The following HECW1 variants were observed in gnomAD, a reference collection of about 807,000 sequenced individuals.
HECW1 encodes HECT, C2 and WW domain containing E3 ubiquitin protein ligase 1, also known as E3 ubiquitin-protein ligase HECW1.
A neutral mutation model predicts 182.3 loss-of-function variants in HECW1; 61 were observed. The observed-to-expected ratio is 0.33, with a 90% CI of 0.27 to 0.41. The LOEUF is 0.41. HECW1 is among the 10% of genes least tolerant of loss of function. HECW1 has a pLI of 1.00. For missense variants in HECW1, 1,739 were observed against 2,108.9 expected (o/e 0.82, Z 3.44); for synonymous variants, 859 against 832.6 (o/e 1.03, Z -0.55).
chr7:43,445,032 C>T lies in HECW1; in HGVS notation c.1860C>T (p.Pro620=), dbSNP rs371190628. The part of the protein sequence containing the change: ...PSALEEDREE[P]EGATPGTAHP... ...CCCTGGAAGAGGACAGAGAAGAGCC[C>T]GAGGGGGCTACTCCAGGCACGGCGC... Residue 620 remains proline (P), a synonymous_variant, in exon 11 of 30, where the codon CCC becomes CCT. Transcript: ENST00000395891. The T allele has an allele frequency of 5.7e-6, 9 of 1,565,934 alleles. No homozygotes were observed. Among genetic ancestry groups the T allele is most frequent in the African/African-American group, 1.4e-5 (1 of 73,894 alleles).
chr7:43,181,157 T>C (rs1230473990), intron 2 of HECW1, among the ~76,000 whole-genome samples: 2 of 150,924 alleles, frequency 1.3e-5, no homozygotes, highest in African/African-American at 5.0e-5. Flanking sequence ...GGTTCATCCA[T>C]GTTGTGGCAA....
chr7:43,146,950 A>G (rs946553897), intron 2 of HECW1, among the ~76,000 whole-genome samples: 4 of 152,204 alleles, frequency 2.6e-5, no homozygotes, highest in Non-Finnish European at 5.9e-5. Flanking sequence ...GTTATTTGCC[A>G]CTTTGGGGGT....
rs577597592 is a variant in HECW1, at chr7:43,368,936, T to C, written c.555+7956T>C. 2.6e-5 allele frequency among the ~76,000 whole-genome samples: 4 copies of C among 152,234 alleles called. No homozygotes were observed. In the South Asian group the frequency reaches 8.3e-4, roughly 32 times the overall value. On this transcript the variant is annotated intron_variant, in intron 6 of 29. Transcript: ENST00000395891. Reference sequence around the variant, plus strand: ...GACATTAGAAAAAATTTATGGAAAGTGGAAATGGAAATCCTAATGGAAAGT... The same window carrying C: ...GACATTAGAAAAAATTTATGGAAAGCGGAAATGGAAATCCTAATGGAAAGT...
At chr7:43,280,902 G>A (rs1363897740) in intron 3 of HECW1, among the ~76,000 whole-genome samples, 3 of 152,178 alleles carry the variant, frequency 2.0e-5, no homozygotes, top group Non-Finnish European at 2.9e-5. Context: ...GAAGTCTCCA[G>A]TTAGAGGAAG....
intron 3 of HECW1, among the ~76,000 whole-genome samples, chr7:43,308,139 A>G (rs1447912123): frequency 3.8e-5 from 4 of 104,686 alleles, no homozygotes; most frequent in Non-Finnish European, 6.9e-5. Context: ...TATATAATAT[A>G]TTATATTATA....
intron 8 of HECW1, among the ~76,000 whole-genome samples, chr7:43,419,945 G>A (rs1040708140): frequency 4.6e-5 from 7 of 152,164 alleles, no homozygotes; most frequent in Admixed American, 1.3e-4. Flanking sequence ...TATTTGTCCC[G>A]ATTGGCTAGC....
chr7:43,547,975 G>A (rs891770968), intron 26 of HECW1, among the ~76,000 whole-genome samples: 4 of 152,200 alleles, frequency 2.6e-5, no homozygotes, highest in South Asian at 2.1e-4. Context: ...TGCGTTCATC[G>A]CAAAAAACAG....
intron 5 of HECW1, among the ~76,000 whole-genome samples, chr7:43,342,081 G>T (rs553699298): frequency 1.3e-5 from 2 of 151,906 alleles, no homozygotes; most frequent in African/African-American, 4.9e-5. Flanking sequence ...TATAAAAGAT[G>T]ACTGTTTCAT....
intron 24 of HECW1, 71 bp from the exon 25 acceptor site, chr7:43,541,092 A>G (rs774466028): frequency 8.1e-7 from 1 of 1,232,636 alleles, no homozygotes; most frequent in Non-Finnish European, 1.2e-6. Flanking sequence ...ACATCAAATA[A>G]AAGTGCAAAC....
intron 24 of HECW1, among the ~76,000 whole-genome samples, chr7:43,517,381 A>G (rs144184288): frequency 0.012 from 1,760 of 144,972 alleles, 33 homozygotes; most frequent in African/African-American, 0.042. Flanking sequence ...CTTCCCAAGC[A>G]GATACTACCT....
Position 43,565,720 on chromosome 7 carries a change from CAT to C in HECW1, c.*3795_*3796del, listed in dbSNP as rs1370535848. ...GAAAGTGTTATTTTCCTGTTAGTGA[CAT>C]GTAGTCCCTTTGTTCTAGTAGGAAA... On this transcript the variant is annotated 3_prime_UTR_variant, in exon 30 of 30. Transcript: ENST00000395891. The C allele has an allele frequency of 5.4e-6, 1 of 185,268 alleles. No homozygotes were observed. The highest frequency in any genetic ancestry group is 8.7e-5 in the East Asian group (1 of 11,554). The allele number at this position is 185,268 out of a possible 1,614,324, so 11.5% of individuals were successfully genotyped here.
At chr7:43,372,780 A>G (rs1198466146) in intron 6 of HECW1, among the ~76,000 whole-genome samples, 1 of 151,964 alleles carries the variant, frequency 6.6e-6, no homozygotes, top group East Asian at 1.9e-4. Flanking sequence ...TCAAACTTGT[A>G]GTGTCACAAT....
In HECW1 at chr7:43,371,876, A is replaced by G. The variant is rs111887773; in HGVS notation, c.555+10896A>G. 6.9e-3 allele frequency among the ~76,000 whole-genome samples: 1,055 copies of G among 152,236 alleles called. 12 individuals are homozygous for G. Among genetic ancestry groups the G allele is most frequent in the African/African-American group, 0.024 (1,003 of 41,536 alleles). On this transcript the variant is annotated intron_variant, in intron 6 of 29. Transcript: ENST00000395891. ...TTCTTGTTGCCCAGGCTAGAGTGCAATGGCACGGTCTCGGCTCACTGCAAC... is the reference window on the plus strand; with the variant it reads ...TTCTTGTTGCCCAGGCTAGAGTGCAGTGGCACGGTCTCGGCTCACTGCAAC...
At chr7:43,229,190 G>A (rs944335613) in intron 2 of HECW1, among the ~76,000 whole-genome samples, 2 of 152,174 alleles carry the variant, frequency 1.3e-5, no homozygotes, top group Non-Finnish European at 2.9e-5. Context: ...CTATGTTGAA[G>A]TCTTTGCAAT....
Position 43,329,410 on chromosome 7 carries a change from T to G in HECW1, c.460+8668T>G, listed in dbSNP as rs1261466394. On this transcript the variant is annotated intron_variant, in intron 5 of 29. Transcript: ENST00000395891. ...CGAGAAGACTGTAAGGTGCTGATAT[T>G]AGAGGCTTGAGACCACCAAGAAACT... 4.0e-5 allele frequency among the ~76,000 whole-genome samples: 6 copies of G among 151,508 alleles called. No homozygotes were observed. The East Asian group carries it at 9.7e-4, about 24-fold the overall frequency.
intron 5 of HECW1, among the ~76,000 whole-genome samples, chr7:43,354,670 A>G (rs539395983): frequency 6.6e-6 from 1 of 152,304 alleles, no homozygotes; most frequent in African/African-American, 2.4e-5. Flanking sequence ...ATAGAAAATT[A>G]CCTCAGAAGA....
intron 8 of HECW1, among the ~76,000 whole-genome samples, chr7:43,435,902 C>T (rs555173862): frequency 1.3e-5 from 2 of 152,252 alleles, no homozygotes; most frequent in East Asian, 1.9e-4. Context: ...TGGTGGCTCA[C>T]GCCTGTAATC....
At chr7:43,470,647 G>A (rs1048052274) in intron 16 of HECW1, among the ~76,000 whole-genome samples, 3 of 152,206 alleles carry the variant, frequency 2.0e-5, no homozygotes, top group Non-Finnish European at 2.9e-5. Context: ...TCTTTAGCAA[G>A]AAGATATCAT....
chr7:43,238,450 T>C (rs1584117279), intron 2 of HECW1, among the ~76,000 whole-genome samples: 1 of 152,184 alleles, frequency 6.6e-6, no homozygotes. Context: ...GGTGGTCATA[T>C]TTATGTTGCC....
Sources: allele counts gnomAD v4.1 joint callset (sites outside exome capture counted in the v4.1 genomes callset), GRCh38; gene constraint gnomAD v4.1.1; transcripts MANE v1.5; gene names NCBI Gene and HGNC (gene_info 2026-07-23, HGNC 2026-07-21).